Variants in RNF32 observed in about 807,000 individuals in gnomAD.
RNF32 encodes ring finger protein 32.
A neutral mutation model predicts 41.0 loss-of-function variants in RNF32; 36 were observed. The ratio of observed to expected loss-of-function variants is 0.88; its 90% CI spans 0.67 to 1.16. The LOEUF (loss-of-function observed/expected upper bound fraction) is 1.16, where lower values mean the gene tolerates loss of function less well. Among genes scored for constraint, RNF32 ranks in the 50% most tolerant of loss-of-function variants. The pLI is 0.00. For synonymous variants in RNF32, 154 were observed against 160.9 expected (o/e 0.96, Z 0.32); for missense variants, 413 against 436.7 (o/e 0.95, Z 0.48).
chr7:156,675,554 C>CAT, intron 7 of RNF32, 142 bp from the exon 8 acceptor site: 1 of 651,034 alleles, frequency 1.5e-6, no homozygotes, highest in South Asian at 2.0e-5. Flanking sequence ...GTAAAATAGA[C>CAT]ATATATCTAT....
intron 7 of RNF32, among the ~76,000 whole-genome samples, chr7:156,672,115 G>T (rs1220713105): frequency 6.6e-6 from 1 of 152,148 alleles, no homozygotes; most frequent in East Asian, 1.9e-4. Flanking sequence ...GCATTTATTT[G>T]CTTTCTTGCT....
At chr7:156,641,954 G>A (rs1173241398) in intron 1 of RNF32, among the ~76,000 whole-genome samples, 2 of 152,200 alleles carry the variant, frequency 1.3e-5, no homozygotes, top group African/African-American at 2.4e-5. Context: ...CTTGAGCAGC[G>A]ACTGACGTTT....
At position 156,675,710 on chromosome 7, in the gene RNF32, C is replaced by G. The variant is rs758056353; in HGVS notation, c.699C>G (p.Ser233Arg). 2.5e-5 allele frequency: 40 copies of G among 1,612,682 alleles called. No individual in the cohort carries two copies. Among genetic ancestry groups the G allele is most frequent in the Non-Finnish European group, 3.4e-5 (40 of 1,178,884 alleles). The change falls in exon 8 of 9, where the codon AGC becomes AGG. Residue 233 changes from serine (S) to arginine (R), a missense_variant. Coordinates refer to ENST00000317955, the MANE Select transcript of RNF32 (RefSeq NM_030936.4). ...CTCCTCCTCAGTTCACAGAAATCAG[C>G]CACCGCATCCTGTGCTCATACAACA... The part of the protein sequence containing the change: ...KFFEKKFTEI[S>R]HRILCSYNTN...
At chr7:156,660,043 TC>T (rs1280947558) in intron 7 of RNF32, 8 of 985,536 alleles carry the variant, frequency 8.1e-6, no homozygotes, top group African/African-American at 1.7e-5. Flanking sequence ...CCATCCCACC[TC>T]CCCACAAATA....
In RNF32 at chr7:156,654,650, T is replaced by C; in HGVS notation, c.349T>C (p.Ser117Pro). The change falls in exon 4 of 9, where the codon TCT becomes CCT. Residue 117 changes from serine to proline, a missense_variant. Coordinates refer to ENST00000317955, the MANE Select transcript of RNF32 (RefSeq NM_030936.4). ...SDEWEKVKQR[S>P]LLQGDSVQPC... ...TGAATGGGAGAAGGTGAAACAGCGC[T>C]CTCTCCTGCAAGGGGACTCCGTGCA... 1 of 1,613,988 alleles carries C rather than the reference T, an allele frequency of 6.2e-7. No individual in the cohort carries two copies. Among genetic ancestry groups the C allele is most frequent in the Non-Finnish European group, 8.5e-7 (1 of 1,179,876 alleles).
intron 3 of RNF32, among the ~76,000 whole-genome samples, chr7:156,648,870 T>G (rs1409828762): frequency 1.3e-5 from 2 of 152,246 alleles, no homozygotes; most frequent in East Asian, 3.8e-4. Context: ...TTGTTTTGTT[T>G]TGTTTTTTTC....
intron 3 of RNF32, among the ~76,000 whole-genome samples, chr7:156,647,595 A>G (rs1462689242): frequency 1.6e-4 from 24 of 152,150 alleles, no homozygotes; most frequent in Admixed American, 1.6e-3. Flanking sequence ...ATGGGCACTT[A>G]GGTTGGTTCC....
At position 156,643,758 on chromosome 7, in the gene RNF32, T is replaced by C. The variant is rs1797661755; in HGVS notation, c.-77-43T>C. 5 of 886,610 alleles carry C rather than the reference T, an allele frequency of 5.6e-6. No homozygotes were observed. In the East Asian group the frequency reaches 9.6e-5, roughly 17 times the overall value. The allele number at this position is 886,610 out of a possible 1,614,324, so 54.9% of individuals were successfully genotyped here. On this transcript the variant is annotated intron_variant, in intron 1 of 8. Coordinates refer to ENST00000317955, the MANE Select transcript of RNF32 (RefSeq NM_030936.4). ...ATCCTCACAAACTTCATGGTTTTTCTGTGCACTGTAACTTTGACTTTCTGT... is the reference window on the plus strand; with the variant it reads ...ATCCTCACAAACTTCATGGTTTTTCCGTGCACTGTAACTTTGACTTTCTGT...
At chr7:156,657,471 A>C in intron 4 of RNF32, 70 bp from the exon 5 acceptor site, 1 of 1,466,028 alleles carries the variant, frequency 6.8e-7, no homozygotes, top group Non-Finnish European at 9.6e-7. Context: ...AGCATTCAGG[A>C]TTTTAACTGT....
At chr7:156,665,665 G>A (rs924149210) in intron 7 of RNF32, among the ~76,000 whole-genome samples, 2 of 151,808 alleles carry the variant, frequency 1.3e-5, no homozygotes, top group African/African-American at 4.9e-5. Flanking sequence ...GTCAGCGTCA[G>A]CTCCCCTGAC....
chr7:156,659,014 T>G, intron 7 of RNF32: 1 of 1,453,054 alleles, frequency 6.9e-7, no homozygotes, highest in Non-Finnish European at 9.0e-7. Context: ...CCTCGTGGGG[T>G]CATCACAATG....
At chr7:156,641,027 A>G (rs538452772) in intron 1 of RNF32, 1 of 156,802 alleles carries the variant, frequency 6.4e-6, no homozygotes, top group Non-Finnish European at 1.4e-5. Context: ...AGCTCCTTCT[A>G]TCTGAGGGGT....
intron 7 of RNF32, among the ~76,000 whole-genome samples, chr7:156,668,640 A>AC (rs1801764573): frequency 6.6e-6 from 1 of 151,660 alleles, no homozygotes; most frequent in Non-Finnish European, 1.5e-5. Context: ...TCCCTCCCTC[A>AC]CTCCGTGTCT....
chr7:156,656,921 G>A (rs1364975841), intron 4 of RNF32, among the ~76,000 whole-genome samples: 1 of 152,216 alleles, frequency 6.6e-6, no homozygotes, highest in African/African-American at 2.4e-5. Context: ...AGTACCCACT[G>A]CCTTCTTCTT....
chr7:156,660,308 C>T (rs1274032566), intron 7 of RNF32: 4 of 982,282 alleles, frequency 4.1e-6, no homozygotes, highest in Non-Finnish European at 4.8e-6. Flanking sequence ...TAAACAACAC[C>T]ATCTAAGAGA....
At chr7:156,654,764 C>T in intron 4 of RNF32, 46 bp downstream of exon 4, 1 of 1,576,554 alleles carries the variant, frequency 6.3e-7, no homozygotes, top group Non-Finnish European at 8.7e-7. Flanking sequence ...GGGCTGTTTC[C>T]TAGGGACGAG....
Position 156,644,560 on chromosome 7 carries a change from TA to T in RNF32, c.78del (p.Leu26PhefsTer27), listed in dbSNP as rs1563066147. The T allele has an allele frequency of 1.1e-5, 17 of 1,610,998 alleles. No homozygotes were observed. The highest frequency in any genetic ancestry group is 1.4e-5 in the Non-Finnish European group (16 of 1,177,508). Reference protein sequence around the residue: ...VNAVALQDHILHDLQLRNLSV... With the variant: ...VNAVALQDHIXHDLQLRNLSV... Reference sequence around the variant, plus strand: ...GCAGTTGCTTTACAAGATCACATTTTACATGATCTTCAACTTCGAAATCTTT... The same window carrying T: ...GCAGTTGCTTTACAAGATCACATTTTCATGATCTTCAACTTCGAAATCTTT... On this transcript the variant is annotated frameshift_variant, in exon 3 of 9. Transcript: ENST00000317955. LOFTEE classifies it high-confidence loss of function.
intron 6 of RNF32, 91 bp downstream of exon 6, chr7:156,658,343 T>C: frequency 6.4e-7 from 1 of 1,573,540 alleles, no homozygotes; most frequent in Non-Finnish European, 8.7e-7. Flanking sequence ...TTTATCTCTC[T>C]TCTTGGCCAC....
At position 156,661,527 on chromosome 7, in the gene RNF32, G is replaced by C. The variant is rs1185233133; in HGVS notation, c.684+2957G>C. On this transcript the variant is annotated intron_variant, in intron 7 of 8. Transcript: ENST00000317955. ...GTAGACACAGGGATTCCCCATGTTG[G>C]CCAGGCAGGTCCTGAACTCCCAGCT... 2.6e-5 allele frequency among the ~76,000 whole-genome samples: 4 copies of C among 152,086 alleles called. No homozygotes were observed. In the East Asian group the frequency reaches 7.7e-4, roughly 29 times the overall value.
Sources: gnomAD v4.1 joint callset for allele counts (sites outside exome capture counted in the v4.1 genomes callset) on GRCh38, gnomAD v4.1.1 for gene constraint, MANE v1.5 for transcripts, NCBI Gene and HGNC (gene_info 2026-07-23, HGNC 2026-07-21) for gene names.